Variants in ICOS observed in about 807,000 individuals in gnomAD.
The protein encoded by ICOS is inducible T-cell costimulator.
A neutral mutation model predicts 24.6 loss-of-function variants in ICOS; 15 were observed. That is an observed-to-expected ratio of 0.61 (90% CI 0.41 to 0.94). The LOEUF (loss-of-function observed/expected upper bound fraction) is 0.94. Ranked by LOEUF, ICOS falls within the 40% of genes least tolerant of loss-of-function variation. The pLI, the probability that ICOS is intolerant of heterozygous loss-of-function variation, is 0.00. For synonymous variants in ICOS, 89 were observed against 77.5 expected (o/e 1.15, Z -0.78); for missense variants, 200 against 233.0 (o/e 0.86, Z 0.92).
rs55662879 is a variant in ICOS, at chr2:203,960,579, T to G, written c.*980T>G. ...CAAGTTTAGTTCTTTTTGTAGATCA[T>G]ATTAAAATTGCAAACAAAATCATCT... On this transcript the variant is annotated 3_prime_UTR_variant, in exon 5 of 5. Transcript: ENST00000316386. 6.6e-6 allele frequency: 1 copy of G among 152,256 alleles called. No individual in the cohort carries two copies. Among genetic ancestry groups the G allele is most frequent in the South Asian group, 2.1e-4 (1 of 4,830 alleles). The allele number at this position is 152,256 out of a possible 1,614,324, so 9.4% of individuals were successfully genotyped here. A position where few individuals can be genotyped will look rare whatever the true frequency, so the allele number is the denominator to read the frequency against.
intron 1 of ICOS, among the ~76,000 whole-genome samples, chr2:203,950,721 T>G (rs1423870477): frequency 2.0e-5 from 3 of 152,110 alleles, no homozygotes; most frequent in African/African-American, 7.2e-5. Context: ...TCATAATAAA[T>G]AGGCGATCCA....
intron 1 of ICOS, among the ~76,000 whole-genome samples, chr2:203,938,556 T>C (rs931138677): frequency 6.6e-6 from 1 of 152,190 alleles, no homozygotes; most frequent in Admixed American, 6.5e-5. Flanking sequence ...GTTCCAGATT[T>C]TGGATATTCT....
At position 203,959,870 on chromosome 2, in the gene ICOS, C is replaced by T. The variant is rs1469755936; in HGVS notation, c.*271C>T. On this transcript the variant is annotated 3_prime_UTR_variant, in exon 5 of 5. Transcript: ENST00000316386. ...CCTGTGTGCTCACTGGGAGTGGAAT[C>T]CCTGTCTCCACATCTGCTCCTAGCA... 9.0e-6 allele frequency: 5 copies of T among 556,646 alleles called. No individual in the cohort carries two copies. The highest frequency in any genetic ancestry group is 1.6e-5 in the Non-Finnish European group (5 of 308,802). The allele number at this position is 556,646 out of a possible 1,614,324, so 34.5% of individuals were successfully genotyped here. A position where few individuals can be genotyped will look rare whatever the true frequency, so the allele number is the denominator to read the frequency against.
chr2:203,957,333 G>C (rs1690094892), intron 3 of ICOS, among the ~76,000 whole-genome samples: 1 of 152,164 alleles, frequency 6.6e-6, no homozygotes, highest in African/African-American at 2.4e-5. Context: ...TATTTAGAAA[G>C]ATAAACAACA....
chr2:203,952,797 C>G (rs1440941086), intron 1 of ICOS, among the ~76,000 whole-genome samples: 2 of 151,998 alleles, frequency 1.3e-5, no homozygotes, highest in Non-Finnish European at 2.9e-5. Context: ...AGCTTAATTA[C>G]TTTATTTTGG....
At chr2:203,952,764 C>T in intron 1 of ICOS, among the ~76,000 whole-genome samples, 1 of 152,014 alleles carries the variant, frequency 6.6e-6, no homozygotes, top group South Asian at 2.1e-4. Flanking sequence ...ACAAGTTTTT[C>T]TCTTATTTGC....
In ICOS at chr2:203,959,727, G is replaced by T; in HGVS notation, c.*128G>T. 1 of 864,502 alleles carries T rather than the reference G, an allele frequency of 1.2e-6. No individual in the cohort carries two copies. Among genetic ancestry groups the T allele is most frequent in the East Asian group, 2.5e-5 (1 of 40,186 alleles). The allele number at this position is 864,502 out of a possible 1,614,324, so 53.6% of individuals were successfully genotyped here. Reference sequence around the variant, plus strand: ...TACATACATCTTCTGCTGGTGTTTTGTTCAATCTGGAAGAATGACTGTATC... The same window carrying T: ...TACATACATCTTCTGCTGGTGTTTTTTTCAATCTGGAAGAATGACTGTATC... On this transcript the variant is annotated 3_prime_UTR_variant, in exon 5 of 5. Coordinates refer to ENST00000316386, the MANE Select transcript of ICOS (RefSeq NM_012092.4).
chr2:203,949,580 T>C (rs1048376157), intron 1 of ICOS, among the ~76,000 whole-genome samples: 1 of 152,138 alleles, frequency 6.6e-6, no homozygotes, highest in East Asian at 1.9e-4. Flanking sequence ...GAAGTGTTGA[T>C]GAAATTTATT....
intron 1 of ICOS, among the ~76,000 whole-genome samples, chr2:203,955,029 T>C (rs1277322905): frequency 2.0e-5 from 3 of 152,060 alleles, no homozygotes; most frequent in African/African-American, 7.2e-5. Flanking sequence ...TACACATGGT[T>C]CTTGTCAGAG....
intron 1 of ICOS, among the ~76,000 whole-genome samples, chr2:203,947,925 T>C (rs1259446644): frequency 2.0e-5 from 3 of 152,184 alleles, no homozygotes; most frequent in Non-Finnish European, 4.4e-5. Flanking sequence ...TTATAAAACA[T>C]CTTGGTATAT....
At chr2:203,954,732 G>C (rs1690047733) in intron 1 of ICOS, among the ~76,000 whole-genome samples, 1 of 151,758 alleles carries the variant, frequency 6.6e-6, no homozygotes. Context: ...TGATTAGTCT[G>C]TTCTTTTACT....
At chr2:203,941,619 C>T (rs528334303) in intron 1 of ICOS, among the ~76,000 whole-genome samples, 27 of 152,198 alleles carry the variant, frequency 1.8e-4, no homozygotes, top group African/African-American at 6.3e-4. Context: ...GTTTTAAAAT[C>T]ATTTGTAGCT....
intron 1 of ICOS, among the ~76,000 whole-genome samples, chr2:203,951,746 T>A (rs972389946): frequency 1.3e-5 from 2 of 152,184 alleles, no homozygotes; most frequent in African/African-American, 2.4e-5. Context: ...TCTGGGAAAT[T>A]TTTTGTGAAC....
chr2:203,956,903 A>G (rs148852480), intron 3 of ICOS, 138 bp downstream of exon 3: 110 of 662,326 alleles, frequency 1.7e-4, no homozygotes, highest in Non-Finnish European at 2.8e-4. Flanking sequence ...AGACATACCT[A>G]CTAATTAAAC....
At chr2:203,945,568 A>C (rs1175107653) in intron 1 of ICOS, among the ~76,000 whole-genome samples, 3 of 152,144 alleles carry the variant, frequency 2.0e-5, no homozygotes, top group Non-Finnish European at 4.4e-5. Flanking sequence ...CTACTGCACT[A>C]CCTAGGCTAT....
chr2:203,950,778 C>T (rs976423910), intron 1 of ICOS, among the ~76,000 whole-genome samples: 4 of 152,018 alleles, frequency 2.6e-5, no homozygotes, highest in Non-Finnish European at 2.9e-5. Flanking sequence ...TAAGAGCGTC[C>T]AGGCCAGGTG....
intron 1 of ICOS, among the ~76,000 whole-genome samples, chr2:203,950,317 A>C (rs997089676): frequency 5.3e-5 from 8 of 152,176 alleles, no homozygotes; most frequent in African/African-American, 1.9e-4. Context: ...GAGGTTCTTG[A>C]GAGACAGCCA....
rs1690105852 is a variant in ICOS, at chr2:203,957,941, A to C, written c.586+58A>C. ...GAGGTTTCTTCACAGTAAGCCTGGA[A>C]TGTTAATTTTTTTTTTTTTAATTTT... On this transcript the variant is annotated intron_variant, in intron 4 of 4. Coordinates refer to ENST00000316386, the MANE Select transcript of ICOS (RefSeq NM_012092.4). 2.8e-6 allele frequency: 3 copies of C among 1,057,516 alleles called. No homozygotes were observed. In the Admixed American group the frequency reaches 5.7e-5, roughly 20 times the overall value. 65.5% of individuals were successfully genotyped at this position (1,057,516 alleles called of 1,614,324 possible). A position where few individuals can be genotyped will look rare whatever the true frequency, so the allele number is the denominator to read the frequency against.
chr2:203,945,303 A>G (rs10932032), intron 1 of ICOS, among the ~76,000 whole-genome samples: 9,316 of 152,168 alleles, frequency 0.061, 634 homozygotes, highest in African/African-American at 0.16. Flanking sequence ...AGAGATATTC[A>G]TGAGCTGGAG....
Sources: allele counts gnomAD v4.1 joint callset (sites outside exome capture counted in the v4.1 genomes callset), GRCh38; gene constraint gnomAD v4.1.1; transcripts MANE v1.5; gene names NCBI Gene and HGNC (gene_info 2026-07-23, HGNC 2026-07-21).